EVL: variants seen among roughly 807,000 people sequenced by gnomAD.
The protein encoded by EVL is ena/VASP-like protein.
EVL carries 21 observed loss-of-function variants against 59.6 expected under a neutral mutation model. The ratio of observed to expected loss-of-function variants is 0.35; its 90% CI spans 0.25 to 0.51. EVL has a LOEUF of 0.51. Ranked by LOEUF, EVL falls within the 20% of genes least tolerant of loss-of-function variation. The probability of loss-of-function intolerance (pLI) is 0.97; values close to 1 mark genes in which losing one functional copy is unlikely to be tolerated. For missense variants in EVL, 462 were observed against 546.6 expected, an observed-to-expected ratio of 0.85 and a Z score of 1.54; for synonymous variants, 198 against 203.5, an observed-to-expected ratio of 0.97 and a Z score of 0.23.
intron 1 of EVL, among the ~76,000 whole-genome samples, chr14:100,058,711 A>G (rs1249175970): frequency 6.6e-6 from 1 of 152,140 alleles, no homozygotes; most frequent in African/African-American, 2.4e-5. Context: ...CTGAATGCCC[A>G]GGAACATACA....
In EVL at chr14:100,113,953, A is replaced by C. The variant is rs1334364223; in HGVS notation, c.359-9586A>C. On this transcript the variant is annotated intron_variant, in intron 3 of 13. Transcript: ENST00000392920. ...AACCACAGTAGTTTCCTGGCCAAGG[A>C]ATGGCCTGGAAGACCAGTGCTTTCC... 2.0e-5 allele frequency among the ~76,000 whole-genome samples: 3 copies of C among 152,238 alleles called. No individual in the cohort carries two copies. The East Asian group carries it at 5.8e-4, about 30-fold the overall frequency.
chr14:100,119,733 G>A (rs1595215173), intron 3 of EVL, among the ~76,000 whole-genome samples: 1 of 152,188 alleles, frequency 6.6e-6, no homozygotes, highest in African/African-American at 2.4e-5. Context: ...AGCTTGGTGA[G>A]GTACCACTGT....
At chr14:100,015,863 G>A (rs1014022120) in intron 1 of EVL, among the ~76,000 whole-genome samples, 1 of 151,984 alleles carries the variant, frequency 6.6e-6, no homozygotes, top group African/African-American at 2.4e-5. Context: ...TTGATGCCAG[G>A]AGTTCGAGAC....
chr14:100,093,937 A>ATT (rs1486836710), intron 2 of EVL, among the ~76,000 whole-genome samples: 1 of 152,192 alleles, frequency 6.6e-6, no homozygotes, highest in Non-Finnish European at 1.5e-5. Context: ...TAATTGTTCC[A>ATT]TTTTATTATT....
At chr14:100,139,664 C>G (rs571519620) in intron 11 of EVL, 1 of 152,378 alleles carries the variant, frequency 6.6e-6, no homozygotes, top group Non-Finnish European at 1.5e-5. Context: ...CATCCTTATT[C>G]TCCCTGGCTG....
intron 1 of EVL, among the ~76,000 whole-genome samples, chr14:100,020,766 G>A (rs188543898): frequency 2.1e-4 from 32 of 152,260 alleles, no homozygotes; most frequent in Admixed American, 3.3e-4. Flanking sequence ...AAGAAAAGTC[G>A]GACCGTAAAG....
intron 3 of EVL, among the ~76,000 whole-genome samples, chr14:100,118,423 T>C (rs1887486503): frequency 6.6e-6 from 1 of 152,192 alleles, no homozygotes; most frequent in African/African-American, 2.4e-5. Flanking sequence ...TTTGAAAAGG[T>C]ACAATACAAG....
chr14:100,060,007 A>G (rs925624383), intron 1 of EVL, among the ~76,000 whole-genome samples: 2 of 152,226 alleles, frequency 1.3e-5, no homozygotes, highest in African/African-American at 4.8e-5. Flanking sequence ...AGACCCTGAA[A>G]TGCTCCTGAA....
chr14:99,983,994 A>G (rs1223995966), intron 1 of EVL, among the ~76,000 whole-genome samples: 2 of 152,078 alleles, frequency 1.3e-5, no homozygotes, highest in African/African-American at 4.8e-5. Context: ...GAACCCCAGA[A>G]CCCCAAGCAC....
chr14:99,987,018 A>G (rs1279566415), intron 1 of EVL, among the ~76,000 whole-genome samples: 1 of 152,214 alleles, frequency 6.6e-6, no homozygotes, highest in East Asian at 1.9e-4. Context: ...TAGAAATAGC[A>G]CCAAAAGCAC....
At chr14:100,101,053 A>G (rs1030276508) in intron 3 of EVL, among the ~76,000 whole-genome samples, 1 of 152,154 alleles carries the variant, frequency 6.6e-6, no homozygotes, top group Non-Finnish European at 1.5e-5. Context: ...TGTGTCAAAC[A>G]ATATATGTGC....
intron 1 of EVL, among the ~76,000 whole-genome samples, chr14:99,979,885 A>AAAAT (rs1218977174): frequency 1.5e-4 from 23 of 152,192 alleles, no homozygotes; most frequent in African/African-American, 4.8e-5. Context: ...TAAATAAATA[A>AAAAT]AAATAAATAA....
At chr14:100,100,194 C>T (rs1011006548) in intron 3 of EVL, among the ~76,000 whole-genome samples, 2 of 152,076 alleles carry the variant, frequency 1.3e-5, no homozygotes, top group Non-Finnish European at 2.9e-5. Flanking sequence ...AGAACCCGAC[C>T]TCCTACATTC....
At chr14:100,138,156 C>G (rs902428266) in intron 11 of EVL, 9 of 373,686 alleles carry the variant, frequency 2.4e-5, no homozygotes, top group South Asian at 8.8e-5. Flanking sequence ...GTCTGTTAAC[C>G]CCTGCTGCAC....
chr14:100,024,387 G>A (rs1306625763), intron 1 of EVL, among the ~76,000 whole-genome samples: 2 of 152,208 alleles, frequency 1.3e-5, no homozygotes, highest in African/African-American at 2.4e-5. Context: ...CCAGGCTCCT[G>A]TAGTACCTTG....
chr14:100,019,483 CAGCTGGCGGAGCTGG>C, intron 1 of EVL: 1 of 540,642 alleles, frequency 1.8e-6, no homozygotes. Flanking sequence ...CGCTTGTCAG[CAGCTGGCGGAGCTGG>C]AGGCTGCAGG....
rs375845896 is a variant in EVL, at chr14:100,046,675, G to A, written c.6-38012G>A. Among the ~76,000 whole-genome samples, 20 of 79,694 alleles carry A rather than the reference G, an allele frequency of 2.5e-4. 1 individual carries two copies. Among genetic ancestry groups the A allele is most frequent in the Admixed American group, 4.6e-4 (3 of 6,466 alleles). The allele number at this position is 79,694 out of a possible 152,430, so 52.3% of individuals were successfully genotyped here. ...GAGCGAGACCTTCCTCCCCCGCGCCGCCAAAAAAAAAAAAAGAATTTTGAC... is the reference window on the plus strand; with the variant it reads ...GAGCGAGACCTTCCTCCCCCGCGCCACCAAAAAAAAAAAAAGAATTTTGAC... On this transcript the variant is annotated intron_variant, in intron 1 of 13. Coordinates refer to the EVL transcript ENST00000402714.
At chr14:100,069,551 C>T (rs1479987761) in intron 1 of EVL, among the ~76,000 whole-genome samples, 1 of 152,170 alleles carries the variant, frequency 6.6e-6, no homozygotes, top group Non-Finnish European at 1.5e-5. Context: ...TCAGAGATCA[C>T]GTAGTCCGTT....
chr14:100,018,534 C>A (rs376596250), intron 1 of EVL, among the ~76,000 whole-genome samples: 1 of 152,180 alleles, frequency 6.6e-6, no homozygotes, highest in African/African-American at 2.4e-5. Context: ...CCTTCTTCCA[C>A]CCCTTCTCTA....
Sources: allele counts gnomAD v4.1 joint callset (sites outside exome capture counted in the v4.1 genomes callset), GRCh38; gene constraint gnomAD v4.1.1; transcripts MANE v1.5; gene names NCBI Gene and HGNC (gene_info 2026-07-23, HGNC 2026-07-21).